TRIR: variants seen among roughly 807,000 people sequenced by gnomAD.
TRIR encodes telomerase RNA component-interacting RNase.
A neutral mutation model predicts 18.2 loss-of-function variants in TRIR; 5 were observed. That is an observed-to-expected ratio of 0.27 (90% CI 0.14 to 0.58). The LOEUF (loss-of-function observed/expected upper bound fraction) is 0.58. TRIR is among the 20% of genes least tolerant of loss of function. The pLI, the probability that TRIR is intolerant of heterozygous loss-of-function variation, is 0.91. For synonymous variants in TRIR, 134 were observed against 114.4 expected (o/e 1.17, Z -1.10); for missense variants, 206 against 252.8 (o/e 0.81, Z 1.25).
chr19:12,730,936 G>A lies in TRIR; in HGVS notation c.*25C>T, dbSNP rs367862325. ...TTATGTACATCGCAGAGAGTCCCAG[G>A]CCATGGGCAGGTGGGGGAGGGGCGT... On this transcript the variant is annotated 3_prime_UTR_variant, in exon 3 of 3. Coordinates refer to ENST00000242784, the MANE Select transcript of TRIR (RefSeq NM_024038.4). 39 of 1,590,424 alleles carry A rather than the reference G, an allele frequency of 2.5e-5. No individual in the cohort carries two copies. Among genetic ancestry groups the A allele is most frequent in the Non-Finnish European group, 3.5e-6 (4 of 1,158,730 alleles).
At chr19:12,733,391 A>C (rs1280037057) in intron 1 of TRIR, among the ~76,000 whole-genome samples, 1 of 152,204 alleles carries the variant, frequency 6.6e-6, no homozygotes, top group Non-Finnish European at 1.5e-5. Flanking sequence ...AAAAATCAAT[A>C]TATGCCCTAT....
In TRIR at chr19:12,730,750, G is replaced by T. The variant is rs929403494; in HGVS notation, c.*211C>A. On this transcript the variant is annotated 3_prime_UTR_variant, in exon 3 of 3. Coordinates refer to ENST00000242784, the MANE Select transcript of TRIR (RefSeq NM_024038.4). ...AGAGAGAATGAGGAGGTGAGAAGGG[G>T]GGGACAGTAAACCACTGTTCTATGA... 1 of 595,878 alleles carries T rather than the reference G, an allele frequency of 1.7e-6. No individual in the cohort carries two copies. Among genetic ancestry groups the T allele is most frequent in the East Asian group, 2.8e-5 (1 of 35,630 alleles). 36.9% of individuals were successfully genotyped at this position (595,878 alleles called of 1,614,324 possible).
chr19:12,734,274 C>A lies in TRIR; in HGVS notation c.345+39G>T. The A allele has an allele frequency of 7.2e-7, 1 of 1,380,678 alleles. No homozygotes were observed. Among genetic ancestry groups the A allele is most frequent in the East Asian group, 3.1e-5 (1 of 32,754 alleles). 85.5% of individuals were successfully genotyped at this position (1,380,678 alleles called of 1,614,324 possible). On this transcript the variant is annotated intron_variant, in intron 1 of 2. Transcript: ENST00000242784. The surrounding 1 kb of genome is among the most constrained non-coding windows in gnomAD (Gnocchi z 4.1). ...CGGGCCCCGACTCCCGCTGCCAAGACAGGCCGTGGCGCCCGCCCCCACCCC... is the reference window on the plus strand; with the variant it reads ...CGGGCCCCGACTCCCGCTGCCAAGAAAGGCCGTGGCGCCCGCCCCCACCCC...
Position 12,730,733 on chromosome 19 carries a change from TGAG to T in TRIR, c.*225_*227del, listed in dbSNP as rs1967410604. 5.2e-6 allele frequency: 3 copies of T among 573,232 alleles called. No individual in the cohort carries two copies. Among genetic ancestry groups the T allele is most frequent in the Non-Finnish European group, 9.3e-6 (3 of 321,078 alleles). The allele number at this position is 573,232 out of a possible 1,614,324, so 35.5% of individuals were successfully genotyped here. A position where few individuals can be genotyped will look rare whatever the true frequency, so the allele number is the denominator to read the frequency against. On this transcript the variant is annotated 3_prime_UTR_variant, in exon 3 of 3. Coordinates refer to ENST00000242784, the MANE Select transcript of TRIR (RefSeq NM_024038.4). The stretch of plus-strand genomic sequence containing the variant: ...GGAAGACAGAAAGAGCCAGAGAGAA[TGAG>T]GAGGTGAGAAGGGGGGGACAGTAAA...
At chr19:12,732,235 G>A (rs1967444350) in intron 1 of TRIR, among the ~76,000 whole-genome samples, 1 of 152,086 alleles carries the variant, frequency 6.6e-6, no homozygotes, top group African/African-American at 2.4e-5. Flanking sequence ...CTGATTCAGG[G>A]TCAGGTGGGT....
In TRIR at chr19:12,730,973, G is replaced by A. The variant is rs769485637; in HGVS notation, c.519C>T (p.Pro173=). The A allele has an allele frequency of 1.9e-6, 3 of 1,613,868 alleles. No homozygotes were observed. The highest frequency in any genetic ancestry group is 2.7e-5 in the African/African-American group (2 of 74,904). ...TGGGGGAGGGGCGTCATTTCACCAG[G>A]GGCCGAGTTTTATCATCGTCACCGC... ...HQCGDDDKTR[P]LVK The change falls in exon 3 of 3, where the codon CCC becomes CCT. Residue 173 remains proline, a synonymous_variant. Coordinates refer to ENST00000242784, the MANE Select transcript of TRIR (RefSeq NM_024038.4).
chr19:12,730,988 A>C lies in TRIR; in HGVS notation c.504T>G (p.Asp168Glu). The C allele has an allele frequency of 6.2e-7, 1 of 1,614,080 alleles. No individual in the cohort carries two copies. The highest frequency in any genetic ancestry group is 8.5e-7 in the Non-Finnish European group (1 of 1,180,034). The change falls in exon 3 of 3, where the codon GAT becomes GAG. Residue 168 changes from aspartate (D) to glutamate (E), a missense_variant. Transcript: ENST00000242784. ...KKYKAHQCGD[D>E]DKTRPLVK ...ATTTCACCAGGGGCCGAGTTTTATC[A>C]TCGTCACCGCACTGGTGAGCTTTGT...
rs1167006747 is a variant in TRIR, at chr19:12,731,119, G to A, written c.424-51C>T. On this transcript the variant is annotated intron_variant, in intron 2 of 2. Coordinates refer to ENST00000242784, the MANE Select transcript of TRIR (RefSeq NM_024038.4). This position sits in a 1 kb window ranked among gnomAD's most constrained non-coding sequence, Gnocchi z 5.1. ...ACGGGGGTGCCAGGAACCAGGGTCA[G>A]GACTGCCCTGAGACAGGTGACCCAT... 16 of 1,478,344 alleles carry A rather than the reference G, an allele frequency of 1.1e-5. No individual in the cohort carries two copies. Among genetic ancestry groups the A allele is most frequent in the Non-Finnish European group, 1.4e-5 (15 of 1,057,098 alleles). 91.6% of individuals were successfully genotyped at this position (1,478,344 alleles called of 1,614,324 possible).
In TRIR at chr19:12,730,991, G is replaced by A. The variant is rs370164525; in HGVS notation, c.501C>T (p.Asp167=). ...VKKYKAHQCG[D]DDKTRPLVK ...TCACCAGGGGCCGAGTTTTATCATC[G>A]TCACCGCACTGGTGAGCTTTGTACT... The change falls in exon 3 of 3, where the codon GAC becomes GAT. Residue 167 remains aspartate, a synonymous_variant. Transcript: ENST00000242784. 8.1e-6 allele frequency: 13 copies of A among 1,613,930 alleles called. No individual in the cohort carries two copies. The highest frequency in any genetic ancestry group is 5.3e-5 in the African/African-American group (4 of 74,888).
In TRIR at chr19:12,734,219, A is replaced by G. The variant is rs1334219750; in HGVS notation, c.345+94T>C. 4 of 1,231,850 alleles carry G rather than the reference A, an allele frequency of 3.2e-6. No homozygotes were observed. Among genetic ancestry groups the G allele is most frequent in the Non-Finnish European group, 2.1e-6 (2 of 942,366 alleles). 76.3% of individuals were successfully genotyped at this position (1,231,850 alleles called of 1,614,324 possible). ...CGGACGGGCCCCTCATTCAGAACGG[A>G]AAGTGGACTTCGGTCCCGATCCCCC... On this transcript the variant is annotated intron_variant, in intron 1 of 2. Coordinates refer to ENST00000242784, the MANE Select transcript of TRIR (RefSeq NM_024038.4). This position sits in a 1 kb window ranked among gnomAD's most constrained non-coding sequence, Gnocchi z 4.1.
At position 12,734,340 on chromosome 19, in the gene TRIR, C is replaced by T. The variant is rs1369753223; in HGVS notation, c.318G>A (p.Lys106=). 6.9e-7 allele frequency: 1 copy of T among 1,451,346 alleles called. No individual in the cohort carries two copies. The highest frequency in any genetic ancestry group is 1.5e-5 in the African/African-American group (1 of 67,196). The allele number at this position is 1,451,346 out of a possible 1,614,324, so 89.9% of individuals were successfully genotyped here. A position where few individuals can be genotyped will look rare whatever the true frequency, so the allele number is the denominator to read the frequency against. Reference sequence around the variant, plus strand: ...AGCTAAGTGTGGAGCCCGGACCGCCCTTCCTCTTCGGATCCCCGGGGCCAG... The same window carrying T: ...AGCTAAGTGTGGAGCCCGGACCGCCTTTCCTCTTCGGATCCCCGGGGCCAG... ...AAAGPGDPKR[K]GGPGSTLSFV... is the part of the protein sequence containing the mutation. The change falls in exon 1 of 3, where the codon AAG becomes AAA. Residue 106 remains lysine (K), a synonymous_variant. Transcript: ENST00000242784. This position sits in a 1 kb window ranked among gnomAD's most constrained non-coding sequence, Gnocchi z 4.1.
intron 1 of TRIR, among the ~76,000 whole-genome samples, chr19:12,733,320 C>T (rs1967469010): frequency 6.6e-6 from 1 of 152,190 alleles, no homozygotes; most frequent in Non-Finnish European, 1.5e-5. Flanking sequence ...ATTCTCAACA[C>T]TTTTTCCTCC....
rs1348478842 is a variant in TRIR at position 12,731,494 on chromosome 19, C to T, written c.346-73G>A. The T allele has an allele frequency of 2.0e-6, 3 of 1,493,080 alleles. No homozygotes were observed. Among genetic ancestry groups the T allele is most frequent in the East Asian group, 4.5e-5 (2 of 44,050 alleles). 92.5% of individuals were successfully genotyped at this position (1,493,080 alleles called of 1,614,324 possible). Reference sequence around the variant, plus strand: ...CCCTTGGCGGCGCTGAGGCCCACTACACCTTCCTAGCCCGGCCTGGTGGCC... The same window carrying T: ...CCCTTGGCGGCGCTGAGGCCCACTATACCTTCCTAGCCCGGCCTGGTGGCC... On this transcript the variant is annotated intron_variant, in intron 1 of 2. Transcript: ENST00000242784. The surrounding 1 kb of genome is among the most constrained non-coding windows in gnomAD (Gnocchi z 5.1).
In TRIR at chr19:12,731,321, C is replaced by T. The variant is rs201118967; in HGVS notation, c.423+23G>A. On this transcript the variant is annotated intron_variant, in intron 2 of 2. Coordinates refer to ENST00000242784, the MANE Select transcript of TRIR (RefSeq NM_024038.4). This position sits in a 1 kb window ranked among gnomAD's most constrained non-coding sequence, Gnocchi z 5.1. ...GGAAGGGAAAGGCAATGTGGGTGGA[C>T]CCCCTGCACCAAGCTGGCTCACCTC... 6.2e-6 allele frequency: 10 copies of T among 1,611,144 alleles called. 1 individual carries two copies. In the Admixed American group the frequency reaches 8.3e-5, roughly 13 times the overall value.
At position 12,731,709 on chromosome 19, in the gene TRIR, A is replaced by G. The variant is rs1035516938; in HGVS notation, c.346-288T>C. On this transcript the variant is annotated intron_variant, in intron 1 of 2. Transcript: ENST00000242784. This position sits in a 1 kb window ranked among gnomAD's most constrained non-coding sequence, Gnocchi z 5.1. Reference sequence around the variant, plus strand: ...GGCCTCACCCTCCCTAGCAGGGACCACAAGAGGTGGCAACAGCTCCCTTTA... The same window carrying G: ...GGCCTCACCCTCCCTAGCAGGGACCGCAAGAGGTGGCAACAGCTCCCTTTA... 4 of 454,286 alleles carry G rather than the reference A, an allele frequency of 8.8e-6. No individual in the cohort carries two copies. The highest frequency in any genetic ancestry group is 8.0e-5 in the Admixed American group (2 of 25,026). The allele number at this position is 454,286 out of a possible 1,614,324, so 28.1% of individuals were successfully genotyped here.
intron 1 of TRIR, among the ~76,000 whole-genome samples, chr19:12,733,902 C>G (rs1967480682): frequency 6.6e-6 from 1 of 152,194 alleles, no homozygotes; most frequent in Non-Finnish European, 1.5e-5. Context: ...AGCAATTGTC[C>G]TAGATAAGTA....
In TRIR at chr19:12,731,109, A is replaced by T; in HGVS notation, c.424-41T>A. On this transcript the variant is annotated intron_variant, in intron 2 of 2. Coordinates refer to ENST00000242784, the MANE Select transcript of TRIR (RefSeq NM_024038.4). The surrounding 1 kb of genome is among the most constrained non-coding windows in gnomAD (Gnocchi z 5.1). The stretch of plus-strand genomic sequence containing the variant: ...ACGGGTTAGGACGGGGGTGCCAGGA[A>T]CCAGGGTCAGGACTGCCCTGAGACA... 1 of 1,550,678 alleles carries T rather than the reference A, an allele frequency of 6.4e-7. No homozygotes were observed. Among genetic ancestry groups the T allele is most frequent in the Non-Finnish European group, 8.9e-7 (1 of 1,122,876 alleles).
chr19:12,731,135 G>C lies in TRIR; in HGVS notation c.424-67C>G. On this transcript the variant is annotated intron_variant, in intron 2 of 2. Coordinates refer to ENST00000242784, the MANE Select transcript of TRIR (RefSeq NM_024038.4). This position sits in a 1 kb window ranked among gnomAD's most constrained non-coding sequence, Gnocchi z 5.1. ...CCAGGGTCAGGACTGCCCTGAGACA[G>C]GTGACCCATTCCCAGTGTCACCCAG... The C allele has an allele frequency of 7.2e-7, 1 of 1,395,316 alleles. No homozygotes were observed. Among genetic ancestry groups the C allele is most frequent in the Non-Finnish European group, 1.0e-6 (1 of 981,882 alleles). 86.4% of individuals were successfully genotyped at this position (1,395,316 alleles called of 1,614,324 possible).
In TRIR at chr19:12,734,449, T is replaced by A. The variant is rs1473537052; in HGVS notation, c.209A>T (p.Lys70Met). 1 of 1,533,618 alleles carries A rather than the reference T, an allele frequency of 6.5e-7. No homozygotes were observed. The highest frequency in any genetic ancestry group is 8.8e-7 in the Non-Finnish European group (1 of 1,141,576). ...CCGCTGCTCCTCCTCCATCTTCCGC[T>A]TGAACAGCTCCAGGAAGCTGCCGTC... ...ANDGSFLELF[K>M]RKMEEEQRQR... The change falls in exon 1 of 3, where the codon AAG (lysine) becomes ATG (methionine). Residue 70 changes from lysine (K) to methionine (M), a missense_variant. Lys to Met is a moderately conservative substitution (Grantham distance 95, BLOSUM62 -1). Around this residue, in one of 2 missense-constraint regions of TRIR, gnomAD observed 172 missense variants for 165.0 expected, o/e 1.04. Coordinates refer to ENST00000242784, the MANE Select transcript of TRIR (RefSeq NM_024038.4). This position sits in a 1 kb window ranked among gnomAD's most constrained non-coding sequence, Gnocchi z 4.1.
Sources: gnomAD v4.1 joint callset for allele counts (sites outside exome capture counted in the v4.1 genomes callset) on GRCh38, gnomAD v4.1.1 for gene constraint, gnomAD v4.1.1 regional missense constraint, Gnocchi (gnomAD v3.1) non-coding constraint, MANE v1.5 for transcripts, NCBI Gene and HGNC (gene_info 2026-07-23, HGNC 2026-07-21) for gene names.